BMPR1B: variants seen among roughly 807,000 people sequenced by gnomAD.
BMPR1B encodes bone morphogenetic protein receptor type-1B.
A neutral mutation model predicts 59.1 loss-of-function variants in BMPR1B; 12 were observed. The ratio of observed to expected loss-of-function variants is 0.20; its 90% CI spans 0.13 to 0.33. The LOEUF (loss-of-function observed/expected upper bound fraction) is 0.33, where lower values mean the gene tolerates loss of function less well. Among genes scored for constraint, BMPR1B ranks in the 10% least tolerant of loss-of-function variants. The probability of loss-of-function intolerance (pLI) is 1.00; values close to 1 mark genes in which losing one functional copy is unlikely to be tolerated. For missense variants in BMPR1B, 550 were observed against 610.9 expected, an observed-to-expected ratio of 0.90 and a Z score of 1.05; for synonymous variants, 237 against 207.3, an observed-to-expected ratio of 1.14 and a Z score of -1.23.
chr4:95,120,549 C>T (rs572063412), intron 6 of BMPR1B, among the ~76,000 whole-genome samples: 1 of 151,664 alleles, frequency 6.6e-6, no homozygotes, highest in Non-Finnish European at 1.5e-5. Flanking sequence ...AACTGATAAA[C>T]GAGTTCAGCA....
intron 1 of BMPR1B, among the ~76,000 whole-genome samples, chr4:94,826,147 G>A (rs969945610): frequency 1.3e-5 from 2 of 152,178 alleles, no homozygotes; most frequent in Admixed American, 6.5e-5. Flanking sequence ...GGTACTTAAT[G>A]TAGAATTAGA....
intron 4 of BMPR1B, among the ~76,000 whole-genome samples, chr4:95,109,475 C>G (rs1339459263): frequency 2.0e-5 from 3 of 152,058 alleles, no homozygotes; most frequent in African/African-American, 7.2e-5. Flanking sequence ...AACAGGTGCT[C>G]CTGACCGTAG....
intron 2 of BMPR1B, among the ~76,000 whole-genome samples, chr4:94,989,205 A>T (rs974275959): frequency 2.6e-5 from 4 of 151,940 alleles, no homozygotes; most frequent in African/African-American, 9.7e-5. Context: ...CCTGGCCAAC[A>T]TTGTGAAACC....
chr4:94,994,089 A>G (rs1256248618), intron 2 of BMPR1B, among the ~76,000 whole-genome samples: 12 of 152,222 alleles, frequency 7.9e-5, no homozygotes, highest in African/African-American at 2.4e-4. Flanking sequence ...GTATATGTCA[A>G]TTTGGTAATG....
intron 10 of BMPR1B, among the ~76,000 whole-genome samples, chr4:95,144,401 C>T (rs937849070): frequency 2.6e-5 from 4 of 152,006 alleles, no homozygotes; most frequent in Non-Finnish European, 5.9e-5. Flanking sequence ...TCTTGAACTC[C>T]TGGACTCAAG....
At chr4:95,002,150 G>A (rs1182167714) in intron 3 of BMPR1B, among the ~76,000 whole-genome samples, 6 of 152,004 alleles carry the variant, frequency 3.9e-5, no homozygotes, top group East Asian at 1.9e-4. Context: ...TCCACCTCTG[G>A]TAGTCTCCAG....
intron 3 of BMPR1B, among the ~76,000 whole-genome samples, chr4:95,080,355 A>G (rs1374802081): frequency 2.6e-5 from 4 of 151,876 alleles, no homozygotes; most frequent in East Asian, 3.9e-4. Context: ...ACCTCCCTCA[A>G]CCTCCTGAGT....
rs1393857417 is a variant in BMPR1B at position 94,799,308 on chromosome 4, T to G, written c.-183+41240T>G. Among the ~76,000 whole-genome samples, 4 of 151,410 alleles carry G rather than the reference T, an allele frequency of 2.6e-5. No homozygotes were observed. In the South Asian group the frequency reaches 8.4e-4, roughly 32 times the overall value. On this transcript the variant is annotated intron_variant, in intron 1 of 12. Transcript: ENST00000515059. Reference sequence around the variant, plus strand: ...CTGTCTGTCTTTGGGTGACTGTTTTTTTTTTTTTTCCTGGAGACACAGTCT... The same window carrying G: ...CTGTCTGTCTTTGGGTGACTGTTTTGTTTTTTTTTCCTGGAGACACAGTCT...
At chr4:94,783,709 G>A (rs751755419) in intron 1 of BMPR1B, among the ~76,000 whole-genome samples, 51 of 152,196 alleles carry the variant, frequency 3.4e-4, no homozygotes, top group Admixed American at 2.3e-3. Flanking sequence ...AATGAGCTAA[G>A]GTGAAGGCCT....
At chr4:94,904,696 G>C (rs919051045) in intron 2 of BMPR1B, among the ~76,000 whole-genome samples, 3 of 152,136 alleles carry the variant, frequency 2.0e-5, no homozygotes, top group African/African-American at 7.2e-5. Flanking sequence ...GTGGAGGTAA[G>C]TTCTCTGAGG....
At chr4:94,946,776 C>T (rs1336279639) in intron 2 of BMPR1B, among the ~76,000 whole-genome samples, 6 of 151,984 alleles carry the variant, frequency 3.9e-5, no homozygotes, top group Admixed American at 2.0e-4. Flanking sequence ...TTTGGTCAGG[C>T]GTGGTGGCTC....
At chr4:95,067,046 G>T (rs1041234656) in intron 3 of BMPR1B, among the ~76,000 whole-genome samples, 113 of 152,272 alleles carry the variant, frequency 7.4e-4, no homozygotes, top group African/African-American at 2.4e-3. Flanking sequence ...ATCTCTGAAG[G>T]ATGTATTGGT....
intron 2 of BMPR1B, among the ~76,000 whole-genome samples, chr4:94,881,330 T>C (rs1164264862): frequency 1.3e-5 from 2 of 152,172 alleles, no homozygotes; most frequent in African/African-American, 2.4e-5. Context: ...AGCATGTTTC[T>C]TGTTTTGGTT....
chr4:94,840,685 CA>C (rs1725022287), intron 1 of BMPR1B, among the ~76,000 whole-genome samples: 1 of 146,688 alleles, frequency 6.8e-6, no homozygotes, highest in Non-Finnish European at 1.5e-5. Context: ...TCAAAGTTTT[CA>C]ACTTCTTTGT....
chr4:95,145,963 G>T (rs1406738687), intron 10 of BMPR1B, among the ~76,000 whole-genome samples: 4 of 152,144 alleles, frequency 2.6e-5, no homozygotes, highest in East Asian at 1.9e-4. Flanking sequence ...GCAAAGTTTA[G>T]TGTAAACAAA....
At chr4:95,077,959 A>T (rs371919275) in intron 3 of BMPR1B, among the ~76,000 whole-genome samples, 176 of 152,328 alleles carry the variant, frequency 1.2e-3, no homozygotes, top group African/African-American at 3.9e-3. Flanking sequence ...TCTATGTAGC[A>T]CTTGGAAAGC....
intron 3 of BMPR1B, among the ~76,000 whole-genome samples, chr4:95,003,514 GAGGCT>G (rs1362430653): frequency 6.6e-6 from 1 of 152,178 alleles, no homozygotes; most frequent in African/African-American, 2.4e-5. Flanking sequence ...CTGTAGACAA[GAGGCT>G]GTGTATGTTA....
At chr4:95,141,535 T>C (rs1734229948) in intron 10 of BMPR1B, among the ~76,000 whole-genome samples, 1 of 152,240 alleles carries the variant, frequency 6.6e-6, no homozygotes, top group African/African-American at 2.4e-5. Context: ...GGTTTCTTCA[T>C]GCATTCTCTT....
At chr4:94,974,366 AT>A (rs11344409) in intron 2 of BMPR1B, among the ~76,000 whole-genome samples, 54,255 of 151,682 alleles carry the variant, frequency 0.36, 10,523 homozygotes, top group African/African-American at 0.53. Context: ...TTCAAATATC[AT>A]TTTTTTTCAT....
Sources: gnomAD v4.1 joint callset for allele counts (sites outside exome capture counted in the v4.1 genomes callset) on GRCh38, gnomAD v4.1.1 for gene constraint, MANE v1.5 for transcripts, NCBI Gene and HGNC (gene_info 2026-07-23, HGNC 2026-07-21) for gene names.